The following TGFBR3 variants were observed in gnomAD, a reference collection of about 807,000 sequenced individuals.
TGFBR3 encodes transforming growth factor beta receptor 3.
TGFBR3 carries 46 observed loss-of-function variants against 87.9 expected under a neutral mutation model. The observed-to-expected ratio is 0.52, with a 90% CI of 0.41 to 0.67. The LOEUF is 0.67. Among genes scored for constraint, TGFBR3 ranks in the 30% least tolerant of loss-of-function variants. The pLI is 0.00. For synonymous variants in TGFBR3, 381 were observed against 391.6 expected (o/e 0.97, Z 0.32); for missense variants, 866 against 1,041.9 (o/e 0.83, Z 2.32).
chr1:91,837,529 C>T (rs557259486), intron 2 of TGFBR3, among the ~76,000 whole-genome samples: 1 of 152,130 alleles, frequency 6.6e-6, no homozygotes, highest in Admixed American at 6.5e-5. Context: ...TGTGAGCCAC[C>T]ATGCCCGGCT....
intron 7 of TGFBR3, among the ~76,000 whole-genome samples, chr1:91,722,603 G>T (rs552427018): frequency 6.6e-6 from 1 of 152,238 alleles, no homozygotes; most frequent in East Asian, 1.9e-4. Flanking sequence ...TTCAATGAAA[G>T]ATAGCACAAT....
chr1:91,835,245 C>A (rs543130564), intron 2 of TGFBR3, among the ~76,000 whole-genome samples: 2 of 152,328 alleles, frequency 1.3e-5, no homozygotes, highest in African/African-American at 4.8e-5. Flanking sequence ...CACACACCAT[C>A]CGGCCACTTT....
chr1:91,735,451 G>A (rs746402992), intron 4 of TGFBR3, among the ~76,000 whole-genome samples: 8 of 152,180 alleles, frequency 5.3e-5, no homozygotes, highest in Non-Finnish European at 1.0e-4. Flanking sequence ...GGGAAACAGC[G>A]AGAGTCCTCT....
At chr1:91,719,616 C>A (rs1672291133) in intron 9 of TGFBR3, 152 bp from the exon 10 acceptor site, 3 of 1,025,352 alleles carry the variant, frequency 2.9e-6, no homozygotes, top group Non-Finnish European at 4.5e-6. Context: ...CAGCTGCCCA[C>A]CTCTCAACAG....
At chr1:91,827,609 G>A (rs1417155420) in intron 2 of TGFBR3, among the ~76,000 whole-genome samples, 2 of 152,140 alleles carry the variant, frequency 1.3e-5, no homozygotes, top group Non-Finnish European at 1.5e-5. Flanking sequence ...TTGTATGCAC[G>A]CCGCATGAGA....
Position 91,683,552 on chromosome 1 carries a change from ATACTAG to A in TGFBR3, c.*181_*186del. On this transcript the variant is annotated 3_prime_UTR_variant, in exon 17 of 17. Coordinates refer to ENST00000212355, the MANE Select transcript of TGFBR3 (RefSeq NM_003243.5). ...GGTACAGAAGCCCAGGGTCATGTTT[ATACTAG>A]CCCTGGGTGTGGGGTGAATACAACG... 1.4e-6 allele frequency: 1 copy of A among 701,350 alleles called. No homozygotes were observed. Among genetic ancestry groups the A allele is most frequent in the South Asian group, 1.5e-5 (1 of 66,688 alleles). The allele number at this position is 701,350 out of a possible 1,614,324, so 43.4% of individuals were successfully genotyped here.
intron 4 of TGFBR3, among the ~76,000 whole-genome samples, chr1:91,746,947 C>T (rs575797524): frequency 5.9e-5 from 9 of 152,090 alleles, no homozygotes; most frequent in East Asian, 1.9e-4. Flanking sequence ...AGGGTAGACA[C>T]GCACATCCCT....
At chr1:91,854,020 G>A (rs2799526) in intron 2 of TGFBR3, among the ~76,000 whole-genome samples, 133,919 of 151,812 alleles carry the variant, frequency 0.88, 59,437 homozygotes, top group Non-Finnish European at 0.93. Context: ...CCCCCTCCCA[G>A]AAAAAAAGTC....
At chr1:91,847,508 C>G (rs567214547) in intron 2 of TGFBR3, among the ~76,000 whole-genome samples, 1 of 149,458 alleles carries the variant, frequency 6.7e-6, no homozygotes, top group African/African-American at 2.5e-5. Context: ...GAGGCTGAGG[C>G]AGGAGAATCG....
chr1:91,793,065 G>A (rs1675250641), intron 3 of TGFBR3, among the ~76,000 whole-genome samples: 1 of 152,176 alleles, frequency 6.6e-6, no homozygotes, highest in South Asian at 2.1e-4. Context: ...ATGTACTGTT[G>A]TAACAAGTGT....
intron 3 of TGFBR3, among the ~76,000 whole-genome samples, chr1:91,782,753 T>C (rs556067139): frequency 0.31 from 146 of 466 alleles, 2 homozygotes; most frequent in South Asian, 0.5. Flanking sequence ...TTTCGACCTT[T>C]TGTGCTCAGG....
In TGFBR3 at chr1:91,716,715, G is replaced by A. The variant is rs776404372; in HGVS notation, c.1567-7C>T. ...CTGGAACCTGTATCACAATCTAAAA[G>A]GCAAAGAAAGCACAGCCAATGTTAT... is the stretch of plus-strand genomic sequence containing the variant. On this transcript the variant is annotated splice_polypyrimidine_tract_variant and splice_region_variant and intron_variant, in intron 10 of 16. Transcript: ENST00000212355. 1 of 1,614,002 alleles carries A rather than the reference G, an allele frequency of 6.2e-7. No individual in the cohort carries two copies. The highest frequency in any genetic ancestry group is 1.1e-5 in the South Asian group (1 of 91,078).
intron 1 of TGFBR3, among the ~76,000 whole-genome samples, chr1:91,873,650 G>T (rs1465467536): frequency 6.6e-6 from 1 of 152,072 alleles, no homozygotes; most frequent in Non-Finnish European, 1.5e-5. Context: ...GGGGCTATAA[G>T]AAATCCATAA....
At chr1:91,717,371 A>G (rs1160343331) in intron 10 of TGFBR3, among the ~76,000 whole-genome samples, 1 of 152,144 alleles carries the variant, frequency 6.6e-6, no homozygotes. Flanking sequence ...TGGTGTATGG[A>G]TGTGGAAAAG....
At chr1:91,702,698 C>T (rs1370525552) in intron 14 of TGFBR3, among the ~76,000 whole-genome samples, 1 of 151,890 alleles carries the variant, frequency 6.6e-6, no homozygotes, top group Non-Finnish European at 1.5e-5. Context: ...ATTGTTGAGA[C>T]TTATTCTATT....
chr1:91,888,566 G>GT (rs1208064846), upstream of TGFBR3, among the ~76,000 whole-genome samples: 1 of 152,120 alleles, frequency 6.6e-6, no homozygotes, highest in African/African-American at 2.4e-5. Context: ...GCCAGGCATG[G>GT]TGGCGGGCAC....
intron 2 of TGFBR3, among the ~76,000 whole-genome samples, chr1:91,896,554 G>A (rs1222788470): frequency 6.6e-6 from 1 of 152,196 alleles, no homozygotes; most frequent in African/African-American, 2.4e-5. Flanking sequence ...GTTCTGACAT[G>A]AGGAAGGGGT....
chr1:91,811,788 C>T (rs932827253), intron 2 of TGFBR3, among the ~76,000 whole-genome samples: 17 of 151,962 alleles, frequency 1.1e-4, no homozygotes, highest in African/African-American at 2.2e-4. Context: ...TTGCTCAAGA[C>T]GAAACTTTAC....
chr1:91,683,798 C>A lies in TGFBR3; in HGVS notation c.2497G>T (p.Ala833Ser). Reference protein sequence around the residue: ...TSPPASENSSAAHSIGSTQST... With the variant: ...TSPPASENSSSAHSIGSTQST... ...TGCGTGCTGCCGATGCTGTGGGCAG[C>A]ACTGCTGTTTTCCGAGGCTGGCGGG... The change falls in exon 17 of 17, where the codon GCT becomes TCT. Residue 833 changes from alanine (A) to serine (S), a missense_variant. Ala to Ser is a moderately conservative substitution (Grantham distance 99). Transcript: ENST00000212355. 1 of 1,608,548 alleles carries A rather than the reference C, an allele frequency of 6.2e-7. No homozygotes were observed. The highest frequency in any genetic ancestry group is 8.5e-7 in the Non-Finnish European group (1 of 1,178,116).
Sources: allele counts gnomAD v4.1 joint callset (sites outside exome capture counted in the v4.1 genomes callset), GRCh38; gene constraint gnomAD v4.1.1; transcripts MANE v1.5; gene names NCBI Gene and HGNC (gene_info 2026-07-23, HGNC 2026-07-21).